Variants in PAX2 observed in about 807,000 individuals in gnomAD.
The protein encoded by PAX2 is paired box protein Pax-2.
A neutral mutation model predicts 41.7 loss-of-function variants in PAX2; 9 were observed. That is an observed-to-expected ratio of 0.22 (90% CI 0.13 to 0.38). PAX2 has a LOEUF of 0.38. Among genes scored for constraint, PAX2 ranks in the 10% least tolerant of loss-of-function variants. The pLI is 1.00. For missense variants in PAX2, 418 were observed against 531.6 expected, an observed-to-expected ratio of 0.79 and a Z score of 2.10; for synonymous variants, 221 against 212.7, an observed-to-expected ratio of 1.04 and a Z score of -0.34.
At chr10:100,767,153 C>G (rs1439469230) in intron 3 of PAX2, among the ~76,000 whole-genome samples, 1 of 152,196 alleles carries the variant, frequency 6.6e-6, no homozygotes, top group Non-Finnish European at 1.5e-5. Context: ...TACCCACAGG[C>G]TGAAATCATG....
rs770131050 is a variant in PAX2, at chr10:100,824,812, T to C, written c.1021+63T>C. On this transcript the variant is annotated intron_variant, in intron 8 of 9. Transcript: ENST00000355243. This position sits in a 1 kb window ranked among gnomAD's most constrained non-coding sequence, Gnocchi z 6.6. ...GGGAACTAAATTGTGGGTGAGCTGCTGAATGGTCTGTAGTCTGAGGCTGGG... is the reference window on the plus strand; with the variant it reads ...GGGAACTAAATTGTGGGTGAGCTGCCGAATGGTCTGTAGTCTGAGGCTGGG... 5 of 1,493,396 alleles carry C rather than the reference T, an allele frequency of 3.3e-6. No individual in the cohort carries two copies. The highest frequency in any genetic ancestry group is 4.7e-6 in the Non-Finnish European group (5 of 1,070,032). The allele number at this position is 1,493,396 out of a possible 1,614,324, so 92.5% of individuals were successfully genotyped here. A position where few individuals can be genotyped will look rare whatever the true frequency, so the allele number is the denominator to read the frequency against.
Position 100,764,976 on chromosome 10 carries a change from G to A in PAX2, c.410+14085G>A, listed in dbSNP as rs189312338. On this transcript the variant is annotated intron_variant, in intron 3 of 9. Coordinates refer to ENST00000355243, the MANE Select transcript of PAX2 (RefSeq NM_000278.5). ...GGAGAGAAAATGGAGATAAGACAAA[G>A]GAAGAAGAAAGAGGAAAGGGAGAAG... 7.3e-5 allele frequency among the ~76,000 whole-genome samples: 11 copies of A among 150,760 alleles called. No individual in the cohort carries two copies. In the East Asian group the frequency reaches 2.1e-3, roughly 29 times the overall value.
Position 100,827,669 on chromosome 10 carries a change from A to G in PAX2, c.*50A>G, listed in dbSNP as rs1039787596. On this transcript the variant is annotated 3_prime_UTR_variant, in exon 10 of 10. Transcript: ENST00000355243. This position sits in a 1 kb window ranked among gnomAD's most constrained non-coding sequence, Gnocchi z 8.5. Reference sequence around the variant, plus strand: ...TCAGGCCGACAGCTTCGGCCTCCACATCGTCCCCGTCTGACCCCACCCCGG... The same window carrying G: ...TCAGGCCGACAGCTTCGGCCTCCACGTCGTCCCCGTCTGACCCCACCCCGG... 2.5e-6 allele frequency: 4 copies of G among 1,612,548 alleles called. No individual in the cohort carries two copies. In the South Asian group the frequency reaches 3.3e-5, roughly 13 times the overall value.
rs1045604118 is a variant in PAX2 at position 100,826,159 on chromosome 10, A to G, written c.1022-850A>G. On this transcript the variant is annotated intron_variant, in intron 8 of 9. Transcript: ENST00000355243. The surrounding 1 kb of genome is among the most constrained non-coding windows in gnomAD (Gnocchi z 5.5). Reference sequence around the variant, plus strand: ...AGAAGCTCATTATCCTGCTGCACGCATGCTTTCCCTCCTCGTCAATAAACA... The same window carrying G: ...AGAAGCTCATTATCCTGCTGCACGCGTGCTTTCCCTCCTCGTCAATAAACA... Among the ~76,000 whole-genome samples, 7 of 152,262 alleles carry G rather than the reference A, an allele frequency of 4.6e-5. No homozygotes were observed. Among genetic ancestry groups the G allele is most frequent in the Middle Eastern group, 3.4e-3 (1 of 294 alleles).
upstream of PAX2, among the ~76,000 whole-genome samples, chr10:100,741,193 A>C (rs562781793): frequency 6.6e-6 from 1 of 152,178 alleles, no homozygotes; most frequent in Non-Finnish European, 1.5e-5. Context: ...GGGCGGGGCC[A>C]GCTGGGAGTC....
chr10:100,808,537 T>TCAATGA (rs1218520635), intron 6 of PAX2, among the ~76,000 whole-genome samples: 9 of 152,014 alleles, frequency 5.9e-5, no homozygotes, highest in African/African-American at 2.2e-4. Flanking sequence ...CCTTTCAGAG[T>TCAATGA]CAATGACTGG....
chr10:100,806,727 C>A, intron 6 of PAX2, 122 bp downstream of exon 6: 2 of 863,944 alleles, frequency 2.3e-6, no homozygotes, highest in South Asian at 1.3e-5. Flanking sequence ...CACGTGTGTT[C>A]TGTGTGTGTG....
In PAX2 at chr10:100,750,640, C is replaced by G; in HGVS notation, c.213-54C>G. The stretch of plus-strand genomic sequence containing the variant: ...TCAGCAGCTCTGGAACCTGCAGCCC[C>G]CCTGCCCCGCCACAGTCCGCTTCTG... On this transcript the variant is annotated intron_variant, in intron 2 of 9. Coordinates refer to ENST00000355243, the MANE Select transcript of PAX2 (RefSeq NM_000278.5). This position sits in a 1 kb window ranked among gnomAD's most constrained non-coding sequence, Gnocchi z 4.1. 1.3e-6 allele frequency: 2 copies of G among 1,503,580 alleles called. No homozygotes were observed. The highest frequency in any genetic ancestry group is 1.1e-5 in the South Asian group (1 of 88,430). 93.1% of individuals were successfully genotyped at this position (1,503,580 alleles called of 1,614,324 possible).
In PAX2 at chr10:100,827,822, G is replaced by C. The variant is rs1355263314; in HGVS notation, c.*203G>C. On this transcript the variant is annotated 3_prime_UTR_variant, in exon 10 of 10. Transcript: ENST00000355243. This position sits in a 1 kb window ranked among gnomAD's most constrained non-coding sequence, Gnocchi z 8.5. ...GGACAGGACGGGTGGAGCCGTGGGC[G>C]GGACCCTCAGGCCCGGGCCCGCCGC... is the stretch of plus-strand genomic sequence containing the variant. The C allele has an allele frequency of 1.4e-6, 1 of 726,416 alleles. No homozygotes were observed. The highest frequency in any genetic ancestry group is 1.8e-5 in the South Asian group (1 of 54,422). The allele number at this position is 726,416 out of a possible 1,614,324, so 45.0% of individuals were successfully genotyped here. A position where few individuals can be genotyped will look rare whatever the true frequency, so the allele number is the denominator to read the frequency against.
chr10:100,748,742 T>C lies in PAX2; in HGVS notation c.44-1004T>C. 1.0e-6 allele frequency: 1 copy of C among 985,396 alleles called. No individual in the cohort carries two copies. Among genetic ancestry groups the C allele is most frequent in the Non-Finnish European group, 1.2e-6 (1 of 829,928 alleles). 61.0% of individuals were successfully genotyped at this position (985,396 alleles called of 1,614,324 possible). A position where few individuals can be genotyped will look rare whatever the true frequency, so the allele number is the denominator to read the frequency against. The stretch of plus-strand genomic sequence containing the variant: ...AGCCGGGTTGGAAACCCCGTGCCCT[T>C]CTCTTGGCCGAAAGAGCAAAAGCCC... On this transcript the variant is annotated intron_variant, in intron 1 of 9. Transcript: ENST00000355243. This position sits in a 1 kb window ranked among gnomAD's most constrained non-coding sequence, Gnocchi z 5.0.
At chr10:100,782,707 A>C (rs951623231) in intron 5 of PAX2, among the ~76,000 whole-genome samples, 3 of 152,214 alleles carry the variant, frequency 2.0e-5, no homozygotes, top group African/African-American at 7.2e-5. Context: ...AAATATCCAA[A>C]CCGATTTGGC....
At chr10:100,804,072 G>A (rs941275438) in intron 5 of PAX2, among the ~76,000 whole-genome samples, 2 of 152,002 alleles carry the variant, frequency 1.3e-5, no homozygotes, top group Non-Finnish European at 2.9e-5. Context: ...TCATTTCGCC[G>A]GCCTCTGCCA....
At chr10:100,809,594 G>T (rs1473810066) in intron 7 of PAX2, among the ~76,000 whole-genome samples, 1 of 152,228 alleles carries the variant, frequency 6.6e-6, no homozygotes, top group Non-Finnish European at 1.5e-5. Flanking sequence ...CCAGGCTGGT[G>T]AGAGTGGAGC....
At chr10:100,737,370 A>C (rs1035256040) in intron 1 of PAX2, among the ~76,000 whole-genome samples, 96 of 152,312 alleles carry the variant, frequency 6.3e-4, no homozygotes, top group African/African-American at 2.2e-3. Context: ...CCACTTACCC[A>C]GGGGCGCCTG....
At position 100,781,275 on chromosome 10, in the gene PAX2, AGC is replaced by A; in HGVS notation, c.529_530del (p.Ala177LeufsTer3). On this transcript the variant is annotated frameshift_variant, in exon 5 of 10. Transcript: ENST00000355243. LOFTEE classifies it high-confidence loss of function. ...VPSTASPPVSSASNDPVGSYS... is the reference protein window; with the variant it reads ...VPSTASPPVSXASNDPVGSYS... ...CAGCACGGCCTCCCCTCCTGTTTCC[AGC>A]GCCTCCAATGACCCAGTGGGATCCT... is the stretch of plus-strand genomic sequence containing the variant. 6.2e-7 allele frequency: 1 copy of A among 1,613,694 alleles called. No individual in the cohort carries two copies. Among genetic ancestry groups the A allele is most frequent in the Non-Finnish European group, 8.5e-7 (1 of 1,179,706 alleles).
chr10:100,753,382 G>T (rs1475900125), intron 3 of PAX2, among the ~76,000 whole-genome samples: 5 of 152,162 alleles, frequency 3.3e-5, no homozygotes, highest in African/African-American at 1.2e-4. Flanking sequence ...AAGAGGGAAG[G>T]TTTATCTGAG....
chr10:100,811,029 T>G (rs1428554113), intron 7 of PAX2, among the ~76,000 whole-genome samples: 1 of 151,556 alleles, frequency 6.6e-6, no homozygotes, highest in African/African-American at 2.4e-5. Flanking sequence ...AAGCGAGGAG[T>G]AACAAAAGCA....
chr10:100,799,702 T>C (rs1307272466), intron 5 of PAX2, among the ~76,000 whole-genome samples: 1 of 151,828 alleles, frequency 6.6e-6, no homozygotes, highest in Non-Finnish European at 1.5e-5. Flanking sequence ...GGTTGATGAG[T>C]GTAGGTGAAA....
At chr10:100,801,397 T>A (rs1173335560) in intron 5 of PAX2, among the ~76,000 whole-genome samples, 1 of 152,218 alleles carries the variant, frequency 6.6e-6, no homozygotes, top group East Asian at 1.9e-4. Flanking sequence ...GAAAGAATAA[T>A]CTATGTCAAA....
Sources: allele counts gnomAD v4.1 joint callset (sites outside exome capture counted in the v4.1 genomes callset), GRCh38; gene constraint gnomAD v4.1.1; non-coding constraint Gnocchi (gnomAD v3.1); transcripts MANE v1.5; gene names NCBI Gene and HGNC (gene_info 2026-07-23, HGNC 2026-07-21).